The following SMURF1 variants were observed in gnomAD, a reference collection of about 807,000 sequenced individuals.
The protein encoded by SMURF1 is SMAD specific E3 ubiquitin protein ligase 1, also known as E3 ubiquitin-protein ligase SMURF1.
Under a neutral mutation model 98.0 loss-of-function variants are expected in SMURF1, and 44 were observed. That is an observed-to-expected ratio of 0.45 (90% CI 0.35 to 0.58). The LOEUF (loss-of-function observed/expected upper bound fraction) is 0.58. Ranked by LOEUF, SMURF1 falls within the 20% of genes least tolerant of loss-of-function variation. SMURF1 has a pLI of 0.00. For missense variants in SMURF1, 687 were observed against 938.4 expected, an observed-to-expected ratio of 0.73 and a Z score of 3.50; for synonymous variants, 396 against 374.9, an observed-to-expected ratio of 1.06 and a Z score of -0.65.
chr7:99,036,445 T>A (rs1795144642), intron 15 of SMURF1: 1 of 137,360 alleles, frequency 7.3e-6, no homozygotes, highest in Admixed American at 8.1e-5. Flanking sequence ...ACCACTGCAC[T>A]CCAGCCTGAG....
At chr7:99,052,049 C>T (rs1476930176) in intron 7 of SMURF1, among the ~76,000 whole-genome samples, 156 bp downstream of exon 7, 1 of 151,900 alleles carries the variant, frequency 6.6e-6, no homozygotes, top group East Asian at 1.9e-4. Flanking sequence ...TCGCGAGGAT[C>T]GCTTGAGCTA....
At chr7:99,062,575 A>G (rs543625782) in intron 1 of SMURF1, among the ~76,000 whole-genome samples, 3 of 152,214 alleles carry the variant, frequency 2.0e-5, no homozygotes, top group Admixed American at 2.0e-4. Flanking sequence ...CAGGCTGGGC[A>G]TGGTGGCTCA....
intron 1 of SMURF1, among the ~76,000 whole-genome samples, chr7:99,074,218 G>A (rs1012002030): frequency 2.0e-5 from 3 of 152,248 alleles, no homozygotes; most frequent in Admixed American, 2.0e-4. Context: ...AAGGACGCAT[G>A]AAGAAGGTGA....
chr7:99,140,614 G>A (rs1443027372), intron 1 of SMURF1, among the ~76,000 whole-genome samples: 1 of 151,920 alleles, frequency 6.6e-6, no homozygotes, highest in Admixed American at 6.6e-5. Flanking sequence ...GTAGAGACGG[G>A]GTTTCACCGT....
In SMURF1 at chr7:99,064,797, T is replaced by G. The variant is rs1334113201; in HGVS notation, c.56-2960A>C. On this transcript the variant is annotated intron_variant, in intron 1 of 17. Transcript: ENST00000361368. ...TGGATAGATCACTATTAATTACACC[T>G]CCTGCTGATGTTTCATTTCTTGTTA... Among the ~76,000 whole-genome samples the G allele has an allele frequency of 2.6e-5, 4 of 152,186 alleles. 1 individual carries two copies. The highest frequency in any genetic ancestry group is 4.4e-5 in the Non-Finnish European group (3 of 68,040).
At chr7:99,035,276 G>A in intron 16 of SMURF1, 1 of 561,502 alleles carries the variant, frequency 1.8e-6, no homozygotes, top group Non-Finnish European at 3.2e-6. Flanking sequence ...GTGAGGAGGG[G>A]GAATCCAGGT....
At chr7:99,039,221 T>A (rs146007258) in intron 13 of SMURF1, among the ~76,000 whole-genome samples, 3,733 of 110,270 alleles carry the variant, frequency 0.034, 97 homozygotes, top group South Asian at 0.061. Context: ...AAAAAAAAAA[T>A]ACTGTTCCTC....
intron 1 of SMURF1, among the ~76,000 whole-genome samples, chr7:99,087,581 G>A (rs185512654): frequency 4.6e-5 from 7 of 152,294 alleles, no homozygotes; most frequent in East Asian, 3.9e-4. Flanking sequence ...TGTAAAAGGA[G>A]TATAAAAGGT....
chr7:99,117,451 C>T (rs559991140), intron 1 of SMURF1, among the ~76,000 whole-genome samples: 11 of 152,072 alleles, frequency 7.2e-5, no homozygotes, highest in East Asian at 5.9e-4. Context: ...TGGGTTCAAG[C>T]GATTCTCCTG....
chr7:99,041,615 C>T (rs532218257), intron 12 of SMURF1, among the ~76,000 whole-genome samples: 76 of 152,312 alleles, frequency 5.0e-4, no homozygotes, highest in Admixed American at 9.2e-4. Context: ...TGGTGAAGGC[C>T]GTGGTGCCAC....
intron 17 of SMURF1, 197 bp downstream of exon 17, chr7:99,032,836 TCTTG>T (rs1794960858): frequency 3.9e-6 from 3 of 766,860 alleles, no homozygotes; most frequent in Non-Finnish European, 6.6e-6. Context: ...GGGGAAAGTC[TCTTG>T]CTTGAGGGCT....
chr7:99,063,777 A>G (rs1796122981), intron 1 of SMURF1, among the ~76,000 whole-genome samples: 1 of 121,576 alleles, frequency 8.2e-6, no homozygotes. Flanking sequence ...TTATCAATAT[A>G]CTTTTTTTTT....
In SMURF1 at chr7:99,097,948, A is replaced by C. The variant is rs182027904; in HGVS notation, c.56-36111T>G. Among the ~76,000 whole-genome samples the C allele has an allele frequency of 3.2e-4, 48 of 152,358 alleles. No individual in the cohort carries two copies. In the Middle Eastern group the frequency reaches 0.01, roughly 32 times the overall value. On this transcript the variant is annotated intron_variant, in intron 1 of 17. Coordinates refer to ENST00000361368, the MANE Select transcript of SMURF1 (RefSeq NM_181349.3). Reference sequence around the variant, plus strand: ...TTCAAGAAAATAACTGCTAACCTAGAATTCTCTACCCAGCAAAAATAGCTT... The same window carrying C: ...TTCAAGAAAATAACTGCTAACCTAGCATTCTCTACCCAGCAAAAATAGCTT...
intron 12 of SMURF1, among the ~76,000 whole-genome samples, 189 bp from the exon 13 acceptor site, chr7:99,040,745 T>G (rs1470446484): frequency 6.6e-6 from 1 of 152,146 alleles, no homozygotes; most frequent in East Asian, 1.9e-4. Context: ...TTGCCTAGAT[T>G]CGCTGGACAG....
chr7:99,105,992 G>A (rs543860055), intron 1 of SMURF1, among the ~76,000 whole-genome samples: 5 of 152,190 alleles, frequency 3.3e-5, no homozygotes, highest in African/African-American at 1.2e-4. Flanking sequence ...ATCATGCCAG[G>A]CCAAGTTCAC....
intron 1 of SMURF1, among the ~76,000 whole-genome samples, chr7:99,076,902 T>C (rs936036472): frequency 6.6e-6 from 1 of 151,874 alleles, no homozygotes; most frequent in Non-Finnish European, 1.5e-5. Context: ...TGTGCGCGTG[T>C]GGGGGCGGAA....
At chr7:99,124,513 C>T (rs949813940) in intron 1 of SMURF1, among the ~76,000 whole-genome samples, 1 of 152,138 alleles carries the variant, frequency 6.6e-6, no homozygotes, top group Non-Finnish European at 1.5e-5. Context: ...GAAGGGAAAA[C>T]GGGACAGGCG....
intron 1 of SMURF1, chr7:99,120,680 G>A (rs982960148): frequency 2.6e-5 from 4 of 151,496 alleles, no homozygotes; most frequent in African/African-American, 9.7e-5. Flanking sequence ...TGCAGTCTGT[G>A]GCTTAATTTA....
At chr7:99,070,168 G>A (rs1274228132) in intron 1 of SMURF1, among the ~76,000 whole-genome samples, 1 of 152,188 alleles carries the variant, frequency 6.6e-6, no homozygotes, top group African/African-American at 2.4e-5. Context: ...AACGTGGCAG[G>A]GTTAGGCAGA....
Sources: allele counts gnomAD v4.1 joint callset (sites outside exome capture counted in the v4.1 genomes callset), GRCh38; gene constraint gnomAD v4.1.1; transcripts MANE v1.5; gene names NCBI Gene and HGNC (gene_info 2026-07-23, HGNC 2026-07-21).